Variants in RBFOX1 observed in about 807,000 individuals in gnomAD.
RBFOX1 encodes the protein RNA binding protein fox-1 homolog 1.
In RBFOX1, 8 loss-of-function variants were observed where a neutral mutation model predicts 57.7. The observed-to-expected ratio is 0.14, with a 90% CI of 0.08 to 0.25. The LOEUF (loss-of-function observed/expected upper bound fraction) is 0.25, where lower values mean the gene tolerates loss of function less well. Ranked by LOEUF, RBFOX1 falls within the 10% of genes least tolerant of loss-of-function variation. The pLI, the probability that RBFOX1 is intolerant of heterozygous loss-of-function variation, is 1.00. For synonymous variants in RBFOX1, 326 were observed against 222.4 expected, an observed-to-expected ratio of 1.47 and a Z score of -4.15; for missense variants, 611 against 548.5, an observed-to-expected ratio of 1.11 and a Z score of -1.14.
At chr16:5,396,854 A>G (rs998629955) in intron 1 of RBFOX1, among the ~76,000 whole-genome samples, 6 of 152,222 alleles carry the variant, frequency 3.9e-5, no homozygotes, top group Admixed American at 3.3e-4. Context: ...CGTTGTCTCA[A>G]AGTGGTAAAT....
intron 4 of RBFOX1, among the ~76,000 whole-genome samples, chr16:7,066,321 G>C (rs2056019667): frequency 6.6e-6 from 1 of 152,178 alleles, no homozygotes; most frequent in Non-Finnish European, 1.5e-5. Context: ...TTAGCTCAAG[G>C]TAAGAATGCA....
At chr16:7,131,626 G>C (rs566002792) in intron 4 of RBFOX1, among the ~76,000 whole-genome samples, 91 of 151,794 alleles carry the variant, frequency 6.0e-4, no homozygotes, top group African/African-American at 2.0e-3. Flanking sequence ...CCCTCAAGCA[G>C]AGAGTTGGGC....
chr16:7,538,863 C>G (rs1437900272), intron 5 of RBFOX1, among the ~76,000 whole-genome samples: 1 of 149,672 alleles, frequency 6.7e-6, no homozygotes, highest in Non-Finnish European at 1.5e-5. Context: ...CCACCCCCAC[C>G]CCGCCACTCA....
At chr16:7,319,736 C>T (rs1456766474) in intron 4 of RBFOX1, among the ~76,000 whole-genome samples, 2 of 152,144 alleles carry the variant, frequency 1.3e-5, no homozygotes, top group Admixed American at 1.3e-4. Flanking sequence ...TCATGTGAAG[C>T]AGGCAGAGGA....
chr16:6,363,829 C>G (rs1175181070), intron 2 of RBFOX1, among the ~76,000 whole-genome samples: 4 of 152,076 alleles, frequency 2.6e-5, no homozygotes, highest in African/African-American at 9.7e-5. Context: ...TGAAGTCTGT[C>G]TGATTCTGTG....
intron 4 of RBFOX1, among the ~76,000 whole-genome samples, chr16:7,105,516 G>A (rs11647965): frequency 0.54 from 81,109 of 151,470 alleles, 21,849 homozygotes; most frequent in South Asian, 0.65. Flanking sequence ...AGTCCATTGT[G>A]TCATTCTTAT....
intron 2 of RBFOX1, among the ~76,000 whole-genome samples, chr16:6,653,350 G>A (rs140284841): frequency 0.011 from 1,603 of 152,238 alleles, 16 homozygotes; most frequent in Non-Finnish European, 0.011. Flanking sequence ...TCACCAGGGC[G>A]GGCCTGCCAT....
intron 1 of RBFOX1, among the ~76,000 whole-genome samples, chr16:6,288,035 C>G (rs1005863101): frequency 6.6e-6 from 1 of 152,142 alleles, no homozygotes; most frequent in Non-Finnish European, 1.5e-5. Flanking sequence ...TGTAAGGCAC[C>G]TGGAACTCTG....
intron 1 of RBFOX1, among the ~76,000 whole-genome samples, chr16:6,112,871 T>A (rs549433236): frequency 6.6e-6 from 1 of 151,850 alleles, no homozygotes; most frequent in Non-Finnish European, 1.5e-5. Context: ...TAGAGGGGAG[T>A]TGGAAAGTGT....
At chr16:5,551,160 T>C (rs1036971241) in intron 2 of RBFOX1, among the ~76,000 whole-genome samples, 2 of 152,240 alleles carry the variant, frequency 1.3e-5, no homozygotes, top group Non-Finnish European at 2.9e-5. Context: ...GTTTTTCTTC[T>C]GGCTTGAGAT....
chr16:5,625,225 C>G (rs145381966), intron 3 of RBFOX1, among the ~76,000 whole-genome samples: 2 of 151,168 alleles, frequency 1.3e-5, no homozygotes, highest in Non-Finnish European at 2.9e-5. Flanking sequence ...ATTTTTTTTT[C>G]TGTATCCCTA....
chr16:6,147,181 C>T (rs980251138), intron 1 of RBFOX1, among the ~76,000 whole-genome samples: 5 of 152,218 alleles, frequency 3.3e-5, no homozygotes, highest in Non-Finnish European at 5.9e-5. Context: ...AAAAGGACCT[C>T]TTCAGAGCCT....
intron 4 of RBFOX1, among the ~76,000 whole-genome samples, chr16:7,160,869 C>T (rs763155791): frequency 6.7e-6 from 1 of 149,276 alleles, no homozygotes; most frequent in African/African-American, 2.5e-5. Context: ...TCTTTTTCTT[C>T]GTTCAATCTT....
intron 3 of RBFOX1, among the ~76,000 whole-genome samples, chr16:6,787,592 C>T (rs1454591552): frequency 6.6e-6 from 1 of 152,138 alleles, no homozygotes; most frequent in African/African-American, 2.4e-5. Flanking sequence ...TGACACCCTT[C>T]ACAGTCTCTG....
At chr16:5,764,815 G>C (rs991672692) in intron 3 of RBFOX1, among the ~76,000 whole-genome samples, 13 of 151,980 alleles carry the variant, frequency 8.6e-5, no homozygotes, top group Non-Finnish European at 5.9e-5. Flanking sequence ...TATCATTACA[G>C]CTTATTAAAC....
At chr16:6,875,406 T>C (rs2061659691) in intron 3 of RBFOX1, among the ~76,000 whole-genome samples, 1 of 152,174 alleles carries the variant, frequency 6.6e-6, no homozygotes, top group Non-Finnish European at 1.5e-5. Context: ...GTAGTGGTTT[T>C]TGAGGTTTCA....
chr16:6,280,899 T>G (rs558869665), intron 1 of RBFOX1, among the ~76,000 whole-genome samples: 1 of 151,890 alleles, frequency 6.6e-6, no homozygotes, highest in Non-Finnish European at 1.5e-5. Context: ...TCTAGGAGCG[T>G]GCTCAGTCTA....
At chr16:6,599,727 C>G (rs1000843890) in intron 2 of RBFOX1, among the ~76,000 whole-genome samples, 4 of 152,198 alleles carry the variant, frequency 2.6e-5, no homozygotes, top group Admixed American at 2.6e-4. Flanking sequence ...TTTCCCATCC[C>G]AGTGCTCACC....
Position 7,241,073 on chromosome 16 carries a change from A to C in RBFOX1, c.27+188975A>C, listed in dbSNP as rs183989908. ...TTGGGTTGGAAAAGAAGGTTTATTT[A>C]GCGCAGTTTTTAGTATTTATATCAG... On this transcript the variant is annotated intron_variant, in intron 4 of 15. Transcript: ENST00000550418. Among the ~76,000 whole-genome samples the C allele has an allele frequency of 2.7e-3, 404 of 152,232 alleles. 6 individuals carry two copies. Among genetic ancestry groups the C allele is most frequent in the Non-Finnish European group, 1.0e-3 (70 of 68,014 alleles).
Sources: allele counts gnomAD v4.1 joint callset (sites outside exome capture counted in the v4.1 genomes callset), GRCh38; gene constraint gnomAD v4.1.1; transcripts MANE v1.5; gene names NCBI Gene and HGNC (gene_info 2026-07-23, HGNC 2026-07-21).